Variants in IQCH observed in about 807,000 individuals in gnomAD.
IQCH encodes the protein IQ motif containing H.
IQCH carries 98 observed loss-of-function variants against 117.0 expected under a neutral mutation model. That is an observed-to-expected ratio of 0.84 (90% CI 0.71 to 0.99). The LOEUF (loss-of-function observed/expected upper bound fraction) is 0.99, where lower values mean the gene tolerates loss of function less well. Among genes scored for constraint, IQCH ranks in the 50% least tolerant of loss-of-function variants. IQCH has a pLI of 0.00. For synonymous variants in IQCH, 412 were observed against 448.2 expected (o/e 0.92, Z 1.02); for missense variants, 1,102 against 1,243.8 (o/e 0.89, Z 1.72).
chr15:67,395,185 C>T lies in IQCH; in HGVS notation c.1633-106C>T. ...GCTAAACAACAGGATAGGTCATAACCCAGCCTGCTATTAATAATGTATTTA... is the reference window on the plus strand; with the variant it reads ...GCTAAACAACAGGATAGGTCATAACTCAGCCTGCTATTAATAATGTATTTA... On this transcript the variant is annotated intron_variant, in intron 12 of 20. Coordinates refer to ENST00000335894, the MANE Select transcript of IQCH (RefSeq NM_001031715.3). This position sits in a 1 kb window ranked among gnomAD's most constrained non-coding sequence, Gnocchi z 4.0. 8.0e-7 allele frequency: 1 copy of T among 1,253,016 alleles called. No homozygotes were observed. Among genetic ancestry groups the T allele is most frequent in the Non-Finnish European group, 1.1e-6 (1 of 905,092 alleles). The allele number at this position is 1,253,016 out of a possible 1,614,324, so 77.6% of individuals were successfully genotyped here. A position where few individuals can be genotyped will look rare whatever the true frequency, so the allele number is the denominator to read the frequency against.
Position 67,491,749 on chromosome 15 carries a change from G to A in IQCH, c.2861+1685G>A, listed in dbSNP as rs1310363177. Among the ~76,000 whole-genome samples the A allele has an allele frequency of 6.6e-6, 1 of 152,074 alleles. No homozygotes were observed. The highest frequency in any genetic ancestry group is 1.5e-5 in the Non-Finnish European group (1 of 68,002). On this transcript the variant is annotated intron_variant, in intron 19 of 20. Coordinates refer to ENST00000335894, the MANE Select transcript of IQCH (RefSeq NM_001031715.3). The surrounding 1 kb of genome is among the most constrained non-coding windows in gnomAD (Gnocchi z 4.9). The stretch of plus-strand genomic sequence containing the variant: ...ACACCTCTGGGCATGTGCAGGGAAG[G>A]ATCAGCCCCTTGCTTCCCAGTAACA...
intron 7 of IQCH, among the ~76,000 whole-genome samples, chr15:67,358,538 A>C (rs529139211): frequency 7.2e-5 from 11 of 152,270 alleles, no homozygotes; most frequent in African/African-American, 1.9e-4. Context: ...AGTACAATGT[A>C]ATTCATTCTT....
intron 4 of IQCH, among the ~76,000 whole-genome samples, chr15:67,281,002 C>G (rs1363652887): frequency 6.6e-6 from 1 of 152,064 alleles, no homozygotes; most frequent in Non-Finnish European, 1.5e-5. Context: ...CCCACCACCA[C>G]GCCCGGCTAA....
intron 2 of IQCH, 80 bp from the exon 3 acceptor site, chr15:67,263,042 G>A (rs1965522973): frequency 1.3e-6 from 1 of 777,408 alleles, no homozygotes; most frequent in Non-Finnish European, 2.3e-6. Context: ...ACAGGATTCA[G>A]AGTATTAACC....
intron 16 of IQCH, among the ~76,000 whole-genome samples, chr15:67,428,954 C>T (rs528786911): frequency 1.3e-5 from 2 of 152,050 alleles, no homozygotes; most frequent in African/African-American, 4.8e-5. Flanking sequence ...GACCATGAGC[C>T]AATGGCATGA....
chr15:67,312,333 A>G (rs1407117261), intron 4 of IQCH, among the ~76,000 whole-genome samples: 1 of 152,098 alleles, frequency 6.6e-6, no homozygotes, highest in East Asian at 1.9e-4. Flanking sequence ...ATCCATTTAT[A>G]AAACATTATT....
chr15:67,321,673 G>C (rs192840924), intron 4 of IQCH, among the ~76,000 whole-genome samples: 1 of 150,584 alleles, frequency 6.6e-6, no homozygotes, highest in Admixed American at 6.6e-5. Flanking sequence ...CCTGTCCTGA[G>C]CTTTGGCAGC....
At chr15:67,399,911 G>C (rs1767328388) in intron 13 of IQCH, among the ~76,000 whole-genome samples, 1 of 152,110 alleles carries the variant, frequency 6.6e-6, no homozygotes, top group Non-Finnish European at 1.5e-5. Flanking sequence ...ACATGTCTTT[G>C]GTCTCATTGG....
chr15:67,283,418 C>T (rs1394917875), intron 4 of IQCH, among the ~76,000 whole-genome samples: 1 of 152,042 alleles, frequency 6.6e-6, no homozygotes, highest in Non-Finnish European at 1.5e-5. Context: ...TTTTTGTTCA[C>T]AAATGCTATA....
chr15:67,394,523 A>C (rs1277085335), intron 12 of IQCH, among the ~76,000 whole-genome samples: 1 of 152,140 alleles, frequency 6.6e-6, no homozygotes, highest in South Asian at 2.1e-4. Context: ...CCACCCCTCA[A>C]AAACAGAAAC....
Position 67,395,184 on chromosome 15 carries a change from C to T in IQCH, c.1633-107C>T. The T allele has an allele frequency of 3.2e-6, 4 of 1,247,950 alleles. No homozygotes were observed. In the South Asian group the frequency reaches 5.8e-5, roughly 18 times the overall value. 77.3% of individuals were successfully genotyped at this position (1,247,950 alleles called of 1,614,324 possible). ...TGCTAAACAACAGGATAGGTCATAA[C>T]CCAGCCTGCTATTAATAATGTATTT... On this transcript the variant is annotated intron_variant, in intron 12 of 20. Coordinates refer to ENST00000335894, the MANE Select transcript of IQCH (RefSeq NM_001031715.3). This position sits in a 1 kb window ranked among gnomAD's most constrained non-coding sequence, Gnocchi z 4.0.
chr15:67,289,090 A>G (rs12324216), intron 4 of IQCH, among the ~76,000 whole-genome samples: 151,248 of 152,160 alleles, frequency 0.99, 75,183 homozygotes, highest in Middle Eastern at 1. Flanking sequence ...TATTGTTTGA[A>G]GACAATCAAG....
At chr15:67,400,624 A>G (rs1971623460) in intron 14 of IQCH, among the ~76,000 whole-genome samples, 3 of 150,772 alleles carry the variant, frequency 2.0e-5, no homozygotes, top group South Asian at 4.2e-4. Flanking sequence ...AGTGGGGACT[A>G]CAGGCATGCG....
Position 67,356,081 on chromosome 15 carries a change from T to C in IQCH, c.638-1264T>C, listed in dbSNP as rs1246811017. Among the ~76,000 whole-genome samples, 2 of 152,094 alleles carry C rather than the reference T, an allele frequency of 1.3e-5. No homozygotes were observed. Among genetic ancestry groups the C allele is most frequent in the African/African-American group, 4.8e-5 (2 of 41,416 alleles). ...AAAATTGTACTGAGTCTGCAGACAA[T>C]AGGAATAACAAATTTTACTGGTGAA... On this transcript the variant is annotated intron_variant, in intron 6 of 20. Coordinates refer to ENST00000335894, the MANE Select transcript of IQCH (RefSeq NM_001031715.3). The surrounding 1 kb of genome is among the most constrained non-coding windows in gnomAD (Gnocchi z 5.3).
At chr15:67,287,526 A>C (rs1364109579) in intron 4 of IQCH, among the ~76,000 whole-genome samples, 1 of 152,038 alleles carries the variant, frequency 6.6e-6, no homozygotes, top group African/African-American at 2.4e-5. Flanking sequence ...AAATTTATAC[A>C]TTTCTTCTAG....
In IQCH at chr15:67,263,160, T is replaced by C; in HGVS notation, c.213T>C (p.Asn71=). The change falls in exon 3 of 21, where the codon AAT becomes AAC. Residue 71 remains asparagine, a synonymous_variant. Coordinates refer to ENST00000335894, the MANE Select transcript of IQCH (RefSeq NM_001031715.3). ...AGTATTTAAATGTTGTAAACCAGAA[T>C]GTATTAACGACTTCTGTTAATGATG... ...IEKYLNVVNQ[N]VLTTSVNDES... is the part of the protein sequence containing the mutation. 1.9e-6 allele frequency: 3 copies of C among 1,581,918 alleles called. No individual in the cohort carries two copies. The East Asian group carries it at 6.7e-5, about 35-fold the overall frequency.
chr15:67,421,692 T>G (rs1841842499), intron 16 of IQCH, 115 bp downstream of exon 16: 1 of 1,080,706 alleles, frequency 9.3e-7, no homozygotes, highest in African/African-American at 1.6e-5. Context: ...GATTCTCTGA[T>G]GAACTTGCTC....
chr15:67,440,260 C>T (rs1052699697), intron 16 of IQCH, among the ~76,000 whole-genome samples: 1 of 152,162 alleles, frequency 6.6e-6, no homozygotes, highest in Non-Finnish European at 1.5e-5. Flanking sequence ...CAAGACCAGA[C>T]GTATTCACAG....
rs1218789407 is a variant in IQCH, at chr15:67,456,318, A to G, written c.2506-8809A>G. 6.6e-6 allele frequency among the ~76,000 whole-genome samples: 1 copy of G among 152,220 alleles called. No individual in the cohort carries two copies. The highest frequency in any genetic ancestry group is 1.9e-4 in the East Asian group (1 of 5,202). On this transcript the variant is annotated intron_variant, in intron 16 of 20. Coordinates refer to ENST00000335894, the MANE Select transcript of IQCH (RefSeq NM_001031715.3). This position sits in a 1 kb window ranked among gnomAD's most constrained non-coding sequence, Gnocchi z 5.1. The stretch of plus-strand genomic sequence containing the variant: ...CTTGGCACTCTGAAGAAATTGATCT[A>G]CTAATGCTGGCAATGAAGTGTCATA...
Sources: allele counts gnomAD v4.1 joint callset (sites outside exome capture counted in the v4.1 genomes callset), GRCh38; gene constraint gnomAD v4.1.1; non-coding constraint Gnocchi (gnomAD v3.1); transcripts MANE v1.5; gene names NCBI Gene and HGNC (gene_info 2026-07-23, HGNC 2026-07-21).